CYP4B1: variants seen among roughly 807,000 people sequenced by gnomAD.
CYP4B1 encodes the protein cytochrome P450 family 4 subfamily B member 1.
In CYP4B1, 45 loss-of-function variants were observed where a neutral mutation model predicts 54.0. The ratio of observed to expected loss-of-function variants is 0.83; its 90% CI spans 0.66 to 1.07. CYP4B1 has a LOEUF of 1.07. Among genes scored for constraint, CYP4B1 ranks in the 50% least tolerant of loss-of-function variants. The pLI is 0.00. For synonymous variants in CYP4B1, 248 were observed against 247.5 expected, an observed-to-expected ratio of 1.00 and a Z score of -0.02; for missense variants, 656 against 655.4, an observed-to-expected ratio of 1.00 and a Z score of -0.01.
At chr1:46,803,507 C>G (rs746070268) in intron 1 of CYP4B1, among the ~76,000 whole-genome samples, 1 of 152,100 alleles carries the variant, frequency 6.6e-6, no homozygotes. Context: ...CAGAATCTAG[C>G]GAAAGTCATC....
Position 46,799,157 on chromosome 1 carries a change from T to C in CYP4B1, c.76T>C (p.Phe26Leu), listed in dbSNP as rs200131677. The change falls in exon 1 of 12, where the codon TTT becomes CTT. Residue 26 changes from phenylalanine to leucine, a missense_variant. By Grantham distance (22) the Phe-to-Leu change is conservative. Transcript: ENST00000371923. ...WASGLILVLG[F>L]LKLIHLLLRR... ...TTCTGGGCTGATCTTGGTCTTAGGCTTTCTCAAGCTCATCCACCTGCTGCT... is the reference window on the plus strand; with the variant it reads ...TTCTGGGCTGATCTTGGTCTTAGGCCTTCTCAAGCTCATCCACCTGCTGCT... The C allele has an allele frequency of 1.9e-6, 3 of 1,613,612 alleles. No individual in the cohort carries two copies. Among genetic ancestry groups the C allele is most frequent in the Admixed American group, 3.3e-5 (2 of 59,976 alleles).
At chr1:46,807,485 A>G (rs1158415513) in intron 1 of CYP4B1, among the ~76,000 whole-genome samples, 3 of 152,224 alleles carry the variant, frequency 2.0e-5, no homozygotes, top group Non-Finnish European at 4.4e-5. Flanking sequence ...GTTGGCAAGG[A>G]AAACCCAGGA....
chr1:46,811,312 T>C (rs45486393), intron 3 of CYP4B1, 128 bp downstream of exon 3: 18 of 917,322 alleles, frequency 2.0e-5, no homozygotes, highest in Non-Finnish European at 3.0e-5. Context: ...CATCCTAAGC[T>C]CAGCTGCTCA....
At position 46,818,877 on chromosome 1, in the gene CYP4B1, A is replaced by C. The variant is rs1679447626; in HGVS notation, c.*63A>C. On this transcript the variant is annotated 3_prime_UTR_variant, in exon 12 of 12. Coordinates refer to ENST00000371923, the MANE Select transcript of CYP4B1 (RefSeq NM_001099772.2). ...GACCTCCCTGGGCACCACCCTCCCC[A>C]GGCTGGGTGTGGAGGAGTTGGGGCC... The C allele has an allele frequency of 1.3e-6, 2 of 1,561,974 alleles. No individual in the cohort carries two copies. Among genetic ancestry groups the C allele is most frequent in the South Asian group, 1.1e-5 (1 of 87,122 alleles).
At chr1:46,807,048 C>G (rs1282828123) in intron 1 of CYP4B1, among the ~76,000 whole-genome samples, 1 of 152,176 alleles carries the variant, frequency 6.6e-6, no homozygotes, top group Non-Finnish European at 1.5e-5. Flanking sequence ...AAGGCAGGTG[C>G]CTGGCAGGTG....
At chr1:46,818,480 C>A in intron 11 of CYP4B1, 151 bp from the exon 12 acceptor site, 1 of 825,244 alleles carries the variant, frequency 1.2e-6, no homozygotes, top group Admixed American at 2.3e-5. Flanking sequence ...ACCATGCTCC[C>A]AAGGTTTGTT....
At chr1:46,809,061 T>A (rs1678980964) in intron 1 of CYP4B1, among the ~76,000 whole-genome samples, 1 of 151,170 alleles carries the variant, frequency 6.6e-6, no homozygotes, top group African/African-American at 2.4e-5. Context: ...ATGGCACATG[T>A]ATACATATGT....
At chr1:46,812,248 G>T in intron 3 of CYP4B1, 3 of 641,998 alleles carry the variant, frequency 4.7e-6, no homozygotes, top group South Asian at 3.0e-5. Context: ...GGCTTTGTGG[G>T]TGCAGCTGAG....
intron 8 of CYP4B1, 140 bp downstream of exon 8, chr1:46,815,404 TGGG>T: frequency 1.5e-6 from 1 of 680,364 alleles, no homozygotes; most frequent in South Asian, 3.2e-5. Flanking sequence ...TTTGTGGTGG[TGGG>T]GGGTGGGGAG....
intron 7 of CYP4B1, chr1:46,814,834 G>C: frequency 1.8e-6 from 1 of 552,280 alleles, no homozygotes; most frequent in Non-Finnish European, 3.2e-6. Context: ...AGAACAGTCA[G>C]GGCTGGACAA....
intron 8 of CYP4B1, 34 bp from the exon 9 acceptor site, chr1:46,817,014 C>T (rs1679360414): frequency 6.2e-7 from 1 of 1,608,066 alleles, no homozygotes; most frequent in African/African-American, 1.3e-5. Flanking sequence ...TGTTGCTTCC[C>T]ATTCCAAGAA....
chr1:46,803,468 T>C (rs1211990601), intron 1 of CYP4B1, among the ~76,000 whole-genome samples: 5 of 152,182 alleles, frequency 3.3e-5, no homozygotes, highest in Non-Finnish European at 7.4e-5. Flanking sequence ...GCTCTGTTAA[T>C]TGGAGGCATC....
At chr1:46,801,842 C>T (rs1678673584) in intron 1 of CYP4B1, among the ~76,000 whole-genome samples, 2 of 152,206 alleles carry the variant, frequency 1.3e-5, no homozygotes, top group Non-Finnish European at 2.9e-5. Context: ...TGTTGTCAGA[C>T]CATAAAAGGT....
At position 46,814,069 on chromosome 1, in the gene CYP4B1, C is replaced by T. The variant is rs759468082; in HGVS notation, c.775+6C>T. 1.3e-5 allele frequency: 21 copies of T among 1,613,662 alleles called. No individual in the cohort carries two copies. The highest frequency in any genetic ancestry group is 1.6e-4 in the Middle Eastern group (1 of 6,082). ...GGTGGCCCATGACCATACAGGTGGG[C>T]CTTTCCCACAAGGCTCACCTCTAGG... On this transcript the variant is annotated splice_donor_region_variant and intron_variant, in intron 6 of 11. Coordinates refer to ENST00000371923, the MANE Select transcript of CYP4B1 (RefSeq NM_001099772.2).
intron 1 of CYP4B1, among the ~76,000 whole-genome samples, chr1:46,807,831 T>C (rs1678922053): frequency 6.6e-6 from 1 of 152,168 alleles, no homozygotes; most frequent in South Asian, 2.1e-4. Flanking sequence ...CATGAGCCCT[T>C]GGAGATAGTG....
At chr1:46,815,027 C>T (rs571066348) in intron 7 of CYP4B1, 47 bp from the exon 8 acceptor site, 2 of 1,550,618 alleles carry the variant, frequency 1.3e-6, no homozygotes, top group East Asian at 2.3e-5. Context: ...TTCTTGTTAC[C>T]CACCTCCAAT....
chr1:46,806,315 C>T (rs1458203867), intron 1 of CYP4B1, among the ~76,000 whole-genome samples: 1 of 152,194 alleles, frequency 6.6e-6, no homozygotes, highest in Non-Finnish European at 1.5e-5. Flanking sequence ...ACTCTTATCC[C>T]CATTTTGTGA....
At chr1:46,813,809 G>T in intron 5 of CYP4B1, 100 bp from the exon 6 acceptor site, 2 of 1,473,546 alleles carry the variant, frequency 1.4e-6, no homozygotes, top group Non-Finnish European at 1.9e-6. Context: ...AAGAAGAGCA[G>T]GATGCTCTGT....
intron 5 of CYP4B1, 22 bp from the exon 6 acceptor site, chr1:46,813,885 TCC>T: frequency 1.3e-6 from 2 of 1,597,074 alleles, no homozygotes; most frequent in South Asian, 2.2e-5. Context: ...TCTAAGCCAA[TCC>T]CTCCTCCTAC....
Sources: gnomAD v4.1 joint callset for allele counts (sites outside exome capture counted in the v4.1 genomes callset) on GRCh38, gnomAD v4.1.1 for gene constraint, MANE v1.5 for transcripts, NCBI Gene and HGNC (gene_info 2026-07-23, HGNC 2026-07-21) for gene names.